The following GRM1 variants were observed in gnomAD, a reference collection of about 807,000 sequenced individuals.
GRM1 encodes glutamate metabotropic receptor 1.
A neutral mutation model predicts 90.9 loss-of-function variants in GRM1; 33 were observed. The ratio of observed to expected loss-of-function variants is 0.36; its 90% confidence interval spans 0.28 to 0.49. GRM1 has a LOEUF of 0.49. Among genes scored for constraint, GRM1 ranks in the 20% least tolerant of loss-of-function variants. The pLI, the probability that GRM1 is intolerant of heterozygous loss-of-function variation, is 0.99. For synonymous variants in GRM1, 700 were observed against 613.2 expected (o/e 1.14, Z -2.09); for missense variants, 1,190 against 1,534.3 (o/e 0.78, Z 3.75).
At chr6:146,331,710 T>C (rs1179432999) in intron 3 of GRM1, among the ~76,000 whole-genome samples, 6 of 152,140 alleles carry the variant, frequency 3.9e-5, no homozygotes, top group Admixed American at 3.9e-4. Context: ...GTCTTCTTCA[T>C]AAGATTTGAA....
chr6:146,107,933 T>C (rs1055636613), intron 1 of GRM1, among the ~76,000 whole-genome samples: 44 of 152,210 alleles, frequency 2.9e-4, no homozygotes, highest in Non-Finnish European at 1.5e-5. Flanking sequence ...CTGGCATTAA[T>C]TGTTTTCTAC....
intron 1 of GRM1, among the ~76,000 whole-genome samples, chr6:146,074,300 G>T (rs1005194625): frequency 4.6e-5 from 7 of 152,052 alleles, no homozygotes; most frequent in African/African-American, 1.7e-4. Flanking sequence ...CTGTGATTTT[G>T]CCTGGTTGTT....
At chr6:146,363,738 A>G (rs1227707440) in intron 5 of GRM1, among the ~76,000 whole-genome samples, 1 of 152,230 alleles carries the variant, frequency 6.6e-6, no homozygotes, top group Admixed American at 6.5e-5. Flanking sequence ...GAGAAAAACA[A>G]CTTTAATAAT....
chr6:146,199,166 G>T (rs1414083700), intron 2 of GRM1, among the ~76,000 whole-genome samples: 5 of 152,160 alleles, frequency 3.3e-5, no homozygotes, highest in Non-Finnish European at 7.4e-5. Flanking sequence ...ATAGTGGCTG[G>T]TGTGTCCACC....
intron 3 of GRM1, among the ~76,000 whole-genome samples, chr6:146,313,876 C>T (rs1276112218): frequency 6.6e-6 from 1 of 151,982 alleles, no homozygotes; most frequent in Non-Finnish European, 1.5e-5. Context: ...ATCCCATCCC[C>T]AGGCAGTCAC....
chr6:146,154,167 A>C (rs1456969864), intron 1 of GRM1, among the ~76,000 whole-genome samples: 2 of 152,228 alleles, frequency 1.3e-5, no homozygotes, highest in Admixed American at 6.5e-5. Context: ...GTTTTCAAAA[A>C]GGAGCAAAAT....
At chr6:146,344,750 A>G (rs1202208070) in intron 3 of GRM1, among the ~76,000 whole-genome samples, 1 of 152,226 alleles carries the variant, frequency 6.6e-6, no homozygotes, top group East Asian at 1.9e-4. Flanking sequence ...GTACCAACTA[A>G]TAGAAGAAAT....
chr6:146,366,612 T>G (rs117530880), intron 5 of GRM1, among the ~76,000 whole-genome samples: 2,966 of 152,272 alleles, frequency 0.019, 39 homozygotes, highest in Non-Finnish European at 0.029. Flanking sequence ...TTTCTGTGCT[T>G]TGCTTATTTA....
rs71028383 is a variant in GRM1, at chr6:146,235,701, CGTGTGTGTGT to C, written c.951-68875_951-68866del. On this transcript the variant is annotated intron_variant, in intron 2 of 7. Coordinates refer to ENST00000282753, the MANE Select transcript of GRM1 (RefSeq NM_001278064.2). ...TCAAAGACATTTTCATCTCTGTTAC[CGTGTGTGTGT>C]GTGTGTGTGTGTGTGTGTGTGTGTG... Among the ~76,000 whole-genome samples the C allele has an allele frequency of 3.6e-4, 37 of 102,854 alleles. No homozygotes were observed. The East Asian group carries it at 4.0e-3, about 11-fold the overall frequency. The allele number at this position is 102,854 out of a possible 152,430, so 67.5% of individuals were successfully genotyped here. A position where few individuals can be genotyped will look rare whatever the true frequency, so the allele number is the denominator to read the frequency against.
chr6:146,277,444 C>T (rs1782416168), intron 2 of GRM1, among the ~76,000 whole-genome samples: 1 of 152,220 alleles, frequency 6.6e-6, no homozygotes, highest in Non-Finnish European at 1.5e-5. Context: ...ATGGTGAAAA[C>T]TGATTTTGCT....
chr6:146,050,579 G>A (rs1239586416), intron 1 of GRM1, among the ~76,000 whole-genome samples: 3 of 152,024 alleles, frequency 2.0e-5, no homozygotes, highest in Non-Finnish European at 4.4e-5. Flanking sequence ...TTTTAAGAGG[G>A]GGGAGGGGAA....
At chr6:146,315,018 A>G (rs1224065991) in intron 3 of GRM1, among the ~76,000 whole-genome samples, 1 of 152,164 alleles carries the variant, frequency 6.6e-6, no homozygotes, top group African/African-American at 2.4e-5. Flanking sequence ...TGTATAATCA[A>G]CCCACAAGTT....
Position 146,195,772 on chromosome 6 carries a change from G to A in GRM1, c.950+36175G>A, listed in dbSNP as rs1326962490. On this transcript the variant is annotated intron_variant, in intron 2 of 7. Transcript: ENST00000282753. ...CAAGATAAAGAAAGGCGATAGAGAGGGAATAAACATGGAGAGACAAATAGA... is the reference window on the plus strand; with the variant it reads ...CAAGATAAAGAAAGGCGATAGAGAGAGAATAAACATGGAGAGACAAATAGA... Among the ~76,000 whole-genome samples, 3 of 152,182 alleles carry A rather than the reference G, an allele frequency of 2.0e-5. 1 individual carries two copies. The highest frequency in any genetic ancestry group is 7.2e-5 in the African/African-American group (3 of 41,444).
intron 6 of GRM1, among the ~76,000 whole-genome samples, chr6:146,389,804 A>T (rs1776652679): frequency 1.3e-5 from 2 of 152,168 alleles, no homozygotes; most frequent in Admixed American, 1.3e-4. Context: ...CACAATATAG[A>T]TTCCTCATTC....
intron 7 of GRM1, among the ~76,000 whole-genome samples, chr6:146,429,272 T>A (rs142083899): frequency 2.0e-5 from 3 of 152,198 alleles, no homozygotes; most frequent in African/African-American, 7.2e-5. Flanking sequence ...AGCATTTGTC[T>A]TAAAAAACAC....
rs530599455 is a variant in GRM1, at chr6:146,120,850, T to C, written c.701-38498T>C. On this transcript the variant is annotated intron_variant, in intron 1 of 7. Transcript: ENST00000282753. ...TGGATTCAGTTTGCCAGTATTTTAT[T>C]GAGGATTTTTGCATCGATGTTCATC... Among the ~76,000 whole-genome samples the C allele has an allele frequency of 2.0e-5, 3 of 152,346 alleles. No homozygotes were observed. The South Asian group carries it at 6.2e-4, about 32-fold the overall frequency.
At position 146,029,628 on chromosome 6, in the gene GRM1, G is replaced by A. The variant is rs780003683; in HGVS notation, c.111G>A (p.Ser37=). Residue 37 remains serine (S), a synonymous_variant, in exon 1 of 8, where the codon TCG becomes TCA. Transcript: ENST00000282753. The stretch of plus-strand genomic sequence containing the variant: ...TGGCAGGAGCGTCGTCTCAGCGCTC[G>A]GTGGCCAGAATGGACGGAGATGTCA... The part of the protein sequence containing the change: ...VLLAGASSQR[S]VARMDGDVII... 1 of 1,614,080 alleles carries A rather than the reference G, an allele frequency of 6.2e-7. No homozygotes were observed.
rs982263350 is a variant in GRM1, at chr6:146,357,595, T to C, written c.1503T>C (p.His501=). The part of the protein sequence containing the change: ...RYDYVHVGTW[H]EGVLNIDDYK... The stretch of plus-strand genomic sequence containing the variant: ...ACTATGTGCACGTTGGAACCTGGCA[T>C]GAAGGAGTGCTGAACATTGATGATT... Residue 501 remains histidine, a synonymous_variant, in exon 5 of 8, where the codon CAT becomes CAC. Coordinates refer to ENST00000282753, the MANE Select transcript of GRM1 (RefSeq NM_001278064.2). 1 of 1,613,594 alleles carries C rather than the reference T, an allele frequency of 6.2e-7. No homozygotes were observed. Among genetic ancestry groups the C allele is most frequent in the East Asian group, 2.2e-5 (1 of 44,886 alleles).
At position 146,399,751 on chromosome 6, in the gene GRM1, TTCTCTC is replaced by T. The variant is rs57974513; in HGVS notation, c.2660+70_2660+75del. On this transcript the variant is annotated intron_variant, in intron 7 of 7. Transcript: ENST00000282753. The surrounding 1 kb of genome is among the most constrained non-coding windows in gnomAD (Gnocchi z 5.4). ...CTTTTCTCTTCCTTTCTCTGTCTCT[TTCTCTC>T]TCTCTCTCTCTCTCTCTTTCTCTGT... 1.8e-3 allele frequency: 1,948 copies of T among 1,063,274 alleles called. 6 individuals are homozygous for T. The highest frequency in any genetic ancestry group is 7.8e-3 in the East Asian group (297 of 38,312). The allele number at this position is 1,063,274 out of a possible 1,614,324, so 65.9% of individuals were successfully genotyped here.
Sources: allele counts gnomAD v4.1 joint callset (sites outside exome capture counted in the v4.1 genomes callset), GRCh38; gene constraint gnomAD v4.1.1; non-coding constraint Gnocchi (gnomAD v3.1); transcripts MANE v1.5; gene names NCBI Gene and HGNC (gene_info 2026-07-23, HGNC 2026-07-21).